The following DCLK1 variants were observed in gnomAD, a reference collection of about 807,000 sequenced individuals.
DCLK1 encodes the protein doublecortin like kinase 1.
Under a neutral mutation model 86.2 loss-of-function variants are expected in DCLK1, and 16 were observed. That is an observed-to-expected ratio of 0.19 (90% CI 0.13 to 0.28). The LOEUF (loss-of-function observed/expected upper bound fraction) is 0.28. Ranked by LOEUF, DCLK1 falls within the 10% of genes least tolerant of loss-of-function variation. The pLI, the probability that DCLK1 is intolerant of heterozygous loss-of-function variation, is 1.00. For missense variants in DCLK1, 590 were observed against 940.2 expected (o/e 0.63, Z 4.87); for synonymous variants, 369 against 370.5 (o/e 1.00, Z 0.05).
chr13:35,947,176 T>A (rs537570811), intron 4 of DCLK1, among the ~76,000 whole-genome samples, 182 bp downstream of exon 4: 1 of 152,170 alleles, frequency 6.6e-6, no homozygotes, highest in African/African-American at 2.4e-5. Flanking sequence ...CCAATTCTCA[T>A]TTCATCTGTT....
intron 6 of DCLK1, among the ~76,000 whole-genome samples, chr13:35,844,866 G>T (rs1870060705): frequency 6.6e-6 from 1 of 152,146 alleles, no homozygotes; most frequent in East Asian, 1.9e-4. Flanking sequence ...ACCAATTAAA[G>T]TTAATGTAAT....
intron 11 of DCLK1, among the ~76,000 whole-genome samples, chr13:35,818,994 C>A (rs1230010749): frequency 6.6e-6 from 1 of 151,990 alleles, no homozygotes; most frequent in Admixed American, 6.6e-5. Flanking sequence ...TCTAACAGGC[C>A]AGTTGGGAAT....
chr13:35,854,272 A>C (rs1870886435), intron 6 of DCLK1, among the ~76,000 whole-genome samples: 1 of 152,232 alleles, frequency 6.6e-6, no homozygotes, highest in Admixed American at 6.5e-5. Context: ...GTAAAAGTGA[A>C]GTAGCAAAGG....
At chr13:36,044,965 G>T (rs1882825098) in intron 3 of DCLK1, among the ~76,000 whole-genome samples, 1 of 151,634 alleles carries the variant, frequency 6.6e-6, no homozygotes, top group Admixed American at 6.6e-5. Context: ...TGATTTCTAA[G>T]TACATTATTT....
At chr13:35,782,614 A>G (rs1438678030) in intron 16 of DCLK1, among the ~76,000 whole-genome samples, 5 of 152,198 alleles carry the variant, frequency 3.3e-5, no homozygotes, top group African/African-American at 1.2e-4. Flanking sequence ...TGTATCCCAA[A>G]TTCTTCAAAA....
intron 4 of DCLK1, among the ~76,000 whole-genome samples, chr13:35,901,572 GA>G (rs1874370477): frequency 6.7e-6 from 1 of 149,708 alleles, no homozygotes; most frequent in East Asian, 2.0e-4. Flanking sequence ...AAATAGGGTA[GA>G]ACTTTAGAAG....
intron 16 of DCLK1, among the ~76,000 whole-genome samples, chr13:35,782,056 A>G (rs976300385): frequency 6.6e-6 from 1 of 152,174 alleles, no homozygotes; most frequent in Non-Finnish European, 1.5e-5. Flanking sequence ...TGGCAAAAGG[A>G]GGCCTTCTTG....
chr13:36,012,316 C>T (rs558968184), intron 3 of DCLK1, among the ~76,000 whole-genome samples: 1 of 150,854 alleles, frequency 6.6e-6, no homozygotes, highest in Non-Finnish European at 1.5e-5. Context: ...CAGTTTCTTC[C>T]TAGTCTCGAT....
intron 1 of DCLK1, among the ~76,000 whole-genome samples, chr13:36,128,027 C>G (rs547659837): frequency 6.6e-6 from 1 of 152,312 alleles, no homozygotes; most frequent in Non-Finnish European, 1.5e-5. Context: ...ATGGACATCA[C>G]CTTTCTGAAG....
Position 36,112,034 on chromosome 13 carries a change from C to T in DCLK1, c.558G>A (p.Lys186=). 6.2e-7 allele frequency: 1 copy of T among 1,614,200 alleles called. No individual in the cohort carries two copies. Among genetic ancestry groups the T allele is most frequent in the South Asian group, 1.1e-5 (1 of 91,086 alleles). The part of the protein sequence containing the change: ...VRENKDFIRP[K]LVTIIRSGVK... ...CGCCACTTCTGATGATGGTGACCAGCTTGGGCCGAATGAAATCCTTATTCT... is the reference window on the plus strand; with the variant it reads ...CGCCACTTCTGATGATGGTGACCAGTTTGGGCCGAATGAAATCCTTATTCT... The change falls in exon 3 of 17, where the codon AAG becomes AAA. Residue 186 remains lysine (K), a synonymous_variant. Coordinates refer to ENST00000360631, the MANE Select transcript of DCLK1 (RefSeq NM_001330071.2).
At chr13:36,102,299 T>C (rs1168200746) in intron 3 of DCLK1, among the ~76,000 whole-genome samples, 1 of 152,030 alleles carries the variant, frequency 6.6e-6, no homozygotes, top group Non-Finnish European at 1.5e-5. Context: ...CAAGGCAACT[T>C]TGGTTTATGG....
Position 35,769,162 on chromosome 13 carries a change from AC to A in DCLK1, c.*5372del, listed in dbSNP as rs1215205502. On this transcript the variant is annotated 3_prime_UTR_variant, in exon 17 of 17. Transcript: ENST00000360631. ...AGGGGGAAAAATTGGATCTCATTCC[AC>A]CTTTAATTAAGGACACAAATTGTTT... 3.3e-5 allele frequency: 5 copies of A among 152,210 alleles called. No individual in the cohort carries two copies. The highest frequency in any genetic ancestry group is 7.3e-5 in the Non-Finnish European group (5 of 68,044). 9.4% of individuals were successfully genotyped at this position (152,210 alleles called of 1,614,324 possible).
chr13:35,811,062 T>G (rs3764060), intron 11 of DCLK1, 94 bp from the exon 12 acceptor site: 334,065 of 1,489,598 alleles, frequency 0.22, 39,862 homozygotes, highest in African/African-American at 0.42. Context: ...AAATTTAATG[T>G]ATAGGAGGTA....
At chr13:36,111,284 T>C (rs1293550792) in intron 3 of DCLK1, among the ~76,000 whole-genome samples, 2 of 152,162 alleles carry the variant, frequency 1.3e-5, no homozygotes, top group Non-Finnish European at 2.9e-5. Flanking sequence ...CAACTGATGT[T>C]CATTCTGTAG....
chr13:35,930,837 C>G (rs1201843944), intron 4 of DCLK1, among the ~76,000 whole-genome samples: 2 of 152,162 alleles, frequency 1.3e-5, no homozygotes, highest in African/African-American at 4.8e-5. Context: ...GGATACTGCT[C>G]CACTTCAATG....
intron 4 of DCLK1, among the ~76,000 whole-genome samples, chr13:35,930,423 T>A (rs913169847): frequency 6.6e-6 from 1 of 152,142 alleles, no homozygotes; most frequent in African/African-American, 2.4e-5. Context: ...TCTTCCTCTG[T>A]AGGACTTGTT....
chr13:35,970,524 G>A (rs1343877550), intron 3 of DCLK1, among the ~76,000 whole-genome samples: 1 of 152,186 alleles, frequency 6.6e-6, no homozygotes, highest in African/African-American at 2.4e-5. Context: ...CAACCCTCAT[G>A]GGTGTGTTTA....
At chr13:35,871,414 AC>A (rs1347982958) in intron 4 of DCLK1, 74 bp from the exon 5 acceptor site, 67 of 1,206,250 alleles carry the variant, frequency 5.6e-5, no homozygotes, top group Non-Finnish European at 8.1e-5. Context: ...TGCACAATAA[AC>A]CTGGAAGTAG....
chr13:35,909,340 A>G (rs2153124279), intron 4 of DCLK1, among the ~76,000 whole-genome samples: 1 of 152,318 alleles, frequency 6.6e-6, no homozygotes, highest in Non-Finnish European at 1.5e-5. Flanking sequence ...CATAAAATGG[A>G]AGACGCTGTA....
Sources: gnomAD v4.1 joint callset for allele counts (sites outside exome capture counted in the v4.1 genomes callset) on GRCh38, gnomAD v4.1.1 for gene constraint, MANE v1.5 for transcripts, NCBI Gene and HGNC (gene_info 2026-07-23, HGNC 2026-07-21) for gene names.